Variants in IDNK observed in about 807,000 individuals in gnomAD.
IDNK encodes gluconokinase.
Under a neutral mutation model 13.0 loss-of-function variants are expected in IDNK, and 9 were observed. The ratio of observed to expected loss-of-function variants is 0.69; its 90% CI spans 0.42 to 1.21. The LOEUF is 1.21. IDNK is among the 50% of genes most tolerant of loss of function. The pLI is 0.00. For missense variants in IDNK, 210 were observed against 237.8 expected (o/e 0.88, Z 0.77); for synonymous variants, 92 against 94.9 (o/e 0.97, Z 0.18).
At position 83,643,892 on chromosome 9, in the gene IDNK, A is replaced by C. The variant is rs1195054642; in HGVS notation, c.*112A>C. On this transcript the variant is annotated 3_prime_UTR_variant, in exon 5 of 5. Coordinates refer to ENST00000376419, the MANE Select transcript of IDNK (RefSeq NM_001001551.4). ...TAGATTCTAAATGTTTCTAAAGGCA[A>C]ACCCCAATGTGTCAAGACAGACTTG... 1.4e-6 allele frequency: 1 copy of C among 724,638 alleles called. No individual in the cohort carries two copies. The highest frequency in any genetic ancestry group is 2.2e-6 in the Non-Finnish European group (1 of 447,920). 44.9% of individuals were successfully genotyped at this position (724,638 alleles called of 1,614,324 possible).
At chr9:83,630,074 C>T (rs2780975) in intron 3 of IDNK, among the ~76,000 whole-genome samples, 122,969 of 152,230 alleles carry the variant, frequency 0.81, 50,074 homozygotes, top group African/African-American at 0.9. Flanking sequence ...CACTGTTGTT[C>T]TCACTTTCAG....
intron 3 of IDNK, among the ~76,000 whole-genome samples, chr9:83,639,117 AAATC>A (rs1325930026): frequency 6.6e-6 from 1 of 152,244 alleles, no homozygotes; most frequent in Non-Finnish European, 1.5e-5. Context: ...AATGAACTGT[AAATC>A]AATAATAAAA....
At chr9:83,623,553 G>T (rs1405317337) in intron 1 of IDNK, 3 of 319,376 alleles carry the variant, frequency 9.4e-6, no homozygotes, top group Non-Finnish European at 1.8e-5. Context: ...CGCGGGGCTA[G>T]GTTTCGGGGC....
chr9:83,627,312 C>A (rs1370713266), intron 1 of IDNK, among the ~76,000 whole-genome samples: 1 of 152,198 alleles, frequency 6.6e-6, no homozygotes, highest in Non-Finnish European at 1.5e-5. Flanking sequence ...CCACCCCTAC[C>A]TACCCTATGT....
chr9:83,639,525 T>C (rs1371913358), intron 3 of IDNK, among the ~76,000 whole-genome samples: 2 of 151,968 alleles, frequency 1.3e-5, no homozygotes, highest in Non-Finnish European at 2.9e-5. Context: ...TTTGACAAAA[T>C]AAAAATAGAT....
At chr9:83,641,421 A>G in intron 3 of IDNK, 127 bp from the exon 4 acceptor site, 1 of 994,416 alleles carries the variant, frequency 1.0e-6, no homozygotes, top group East Asian at 2.4e-5. Context: ...TGCATGGCCC[A>G]CTCCTCACAC....
At position 83,644,123 on chromosome 9, in the gene IDNK, C is replaced by T. The variant is rs1014950297; in HGVS notation, c.*343C>T. The T allele has an allele frequency of 1.6e-5, 4 of 253,596 alleles. No homozygotes were observed. In the East Asian group the frequency reaches 3.1e-4, roughly 20 times the overall value. The allele number at this position is 253,596 out of a possible 1,614,324, so 15.7% of individuals were successfully genotyped here. On this transcript the variant is annotated 3_prime_UTR_variant, in exon 5 of 5. Transcript: ENST00000376419. ...GCACAAATAAATGAAACTTCGCTGT[C>T]CTTGGCATTCCCTGGAAATTGATGT...
chr9:83,623,097 C>G, upstream of IDNK: 1 of 1,253,620 alleles, frequency 8.0e-7, no homozygotes, highest in Non-Finnish European at 1.0e-6. Context: ...GCGAGAGCGG[C>G]TCCGCCCCTC....
At chr9:83,639,137 C>A (rs906596890) in intron 3 of IDNK, among the ~76,000 whole-genome samples, 1 of 152,036 alleles carries the variant, frequency 6.6e-6, no homozygotes, top group Non-Finnish European at 1.5e-5. Flanking sequence ...TAAAAATGCA[C>A]ACACATCACC....
At chr9:83,626,626 G>A (rs1050941429) in intron 1 of IDNK, 10 of 986,232 alleles carry the variant, frequency 1.0e-5, no homozygotes, top group South Asian at 1.4e-5. Flanking sequence ...CATGTTGGCC[G>A]AGCTAGTCCC....
rs3750411 is a variant in IDNK, at chr9:83,632,119, C to A, written c.168+3160C>A. On this transcript the variant is annotated intron_variant, in intron 3 of 4. Coordinates refer to ENST00000376419, the MANE Select transcript of IDNK (RefSeq NM_001001551.4). ...TATCTATGAATTGAATTTTGGAATT[C>A]TTCTTTTTCATGGAGGGGGTCAGTA... is the stretch of plus-strand genomic sequence containing the variant. Among the ~76,000 whole-genome samples, 8 of 152,160 alleles carry A rather than the reference C, an allele frequency of 5.3e-5. No homozygotes were observed. In the East Asian group the frequency reaches 1.5e-3, roughly 29 times the overall value.
At chr9:83,625,696 G>C (rs532150000) in intron 1 of IDNK, among the ~76,000 whole-genome samples, 4 of 152,236 alleles carry the variant, frequency 2.6e-5, no homozygotes, top group East Asian at 1.9e-4. Flanking sequence ...ATAGCATTTA[G>C]AAAAATATTT....
At chr9:83,626,958 C>G (rs1830869303) in intron 1 of IDNK, 20 of 496,242 alleles carry the variant, frequency 4.0e-5, no homozygotes, top group Non-Finnish European at 4.8e-5. Flanking sequence ...GAAAGAGGAC[C>G]TTTGTTAGGC....
In IDNK at chr9:83,643,697, C is replaced by G. The variant is rs773831604; in HGVS notation, c.481C>G (p.Pro161Ala). 5.0e-6 allele frequency: 8 copies of G among 1,613,558 alleles called. No individual in the cohort carries two copies. The highest frequency in any genetic ancestry group is 3.3e-4 in the Middle Eastern group (2 of 6,082). The change falls in exon 5 of 5, where the codon CCA (proline) becomes GCA (alanine). Residue 161 changes from proline to alanine, a missense_variant. Transcript: ENST00000376419. Reference sequence around the variant, plus strand: ...TGAGACTCTGGAGCCCCCAGCAGCTCCAGAAAACTTTATCCAAATAAGTGT... The same window carrying G: ...TGAGACTCTGGAGCCCCCAGCAGCTGCAGAAAACTTTATCCAAATAAGTGT... ...QFETLEPPAA[P>A]ENFIQISVDK...
At position 83,641,537 on chromosome 9, in the gene IDNK, GT is replaced by G. The variant is rs1309383613; in HGVS notation, c.169-4del. The G allele has an allele frequency of 1.9e-6, 3 of 1,613,578 alleles. No individual in the cohort carries two copies. The highest frequency in any genetic ancestry group is 1.1e-5 in the South Asian group (1 of 91,060). On this transcript the variant is annotated splice_polypyrimidine_tract_variant and intron_variant, in intron 3 of 4. Transcript: ENST00000376419. The stretch of plus-strand genomic sequence containing the variant: ...ACGTTGTGTCTGGGTTTTTGTTTTT[GT>G]TTTTTTCAGGACCGGATTCCATGGC...
chr9:83,634,333 T>C (rs1278060676), intron 3 of IDNK, among the ~76,000 whole-genome samples: 1 of 152,222 alleles, frequency 6.6e-6, no homozygotes, highest in Non-Finnish European at 1.5e-5. Flanking sequence ...TTTGTTTAAA[T>C]AGTTTTATAT....
chr9:83,641,466 C>T lies in IDNK; in HGVS notation c.169-82C>T, dbSNP rs924846224. The T allele has an allele frequency of 2.7e-6, 4 of 1,489,200 alleles. No homozygotes were observed. In the African/African-American group the frequency reaches 4.2e-5, roughly 15 times the overall value. The allele number at this position is 1,489,200 out of a possible 1,614,324, so 92.2% of individuals were successfully genotyped here. On this transcript the variant is annotated intron_variant, in intron 3 of 4. Coordinates refer to ENST00000376419, the MANE Select transcript of IDNK (RefSeq NM_001001551.4). Reference sequence around the variant, plus strand: ...CTCGCTGGACCTTAACATTTGTGAACATGATATAACTGTTTCTCTACAAAC... The same window carrying T: ...CTCGCTGGACCTTAACATTTGTGAATATGATATAACTGTTTCTCTACAAAC...
In IDNK at chr9:83,643,856, C is replaced by T; in HGVS notation, c.*76C>T. Reference sequence around the variant, plus strand: ...CCATCCCAAACCTCGTTCCAGCCGCCTTGCCCATACTAGATTCTAAATGTT... The same window carrying T: ...CCATCCCAAACCTCGTTCCAGCCGCTTTGCCCATACTAGATTCTAAATGTT... On this transcript the variant is annotated 3_prime_UTR_variant, in exon 5 of 5. Coordinates refer to ENST00000376419, the MANE Select transcript of IDNK (RefSeq NM_001001551.4). 9.7e-7 allele frequency: 1 copy of T among 1,036,160 alleles called. No individual in the cohort carries two copies. The highest frequency in any genetic ancestry group is 1.6e-5 in the South Asian group (1 of 63,748). 64.2% of individuals were successfully genotyped at this position (1,036,160 alleles called of 1,614,324 possible).
rs1262475979 is a variant in IDNK, at chr9:83,623,314, TCTTGGGGACCCC to T, written c.50+95_50+106del. The T allele has an allele frequency of 1.6e-5, 18 of 1,158,182 alleles. No homozygotes were observed. In the Admixed American group the frequency reaches 7.2e-4, roughly 46 times the overall value. The allele number at this position is 1,158,182 out of a possible 1,614,324, so 71.7% of individuals were successfully genotyped here. ...CGCCGTCCCTGCCGGTGGACTGGGG[TCTTGGGGACCCC>T]CCACCCTTCCCTTTGCAGATGAAGA... On this transcript the variant is annotated intron_variant, in intron 1 of 4. Coordinates refer to ENST00000376419, the MANE Select transcript of IDNK (RefSeq NM_001001551.4).
Sources: gnomAD v4.1 joint callset for allele counts (sites outside exome capture counted in the v4.1 genomes callset) on GRCh38, gnomAD v4.1.1 for gene constraint, MANE v1.5 for transcripts, NCBI Gene and HGNC (gene_info 2026-07-23, HGNC 2026-07-21) for gene names.